The following CSMD1 variants were observed in gnomAD, a reference collection of about 807,000 sequenced individuals.
The protein encoded by CSMD1 is CUB and sushi domain-containing protein 1.
Under a neutral mutation model 417.5 loss-of-function variants are expected in CSMD1, and 213 were observed. That is an observed-to-expected ratio of 0.51 (90% CI 0.46 to 0.57). The LOEUF is 0.57. CSMD1 is among the 20% of genes least tolerant of loss of function. CSMD1 has a pLI of 0.00. For missense variants in CSMD1, 6,923 were observed against 4,529.7 expected, an observed-to-expected ratio of 1.53 and a Z score of -15.17; for synonymous variants, 2,862 against 1,736.8, an observed-to-expected ratio of 1.65 and a Z score of -16.11.
intron 7 of CSMD1, among the ~76,000 whole-genome samples, chr8:3,642,458 G>C (rs1797354614): frequency 1.3e-5 from 2 of 152,104 alleles, no homozygotes; most frequent in African/African-American, 2.4e-5. Context: ...AAATTCAAGA[G>C]ATATTCCCAA....
At chr8:4,433,395 T>G (rs1297661799) in intron 2 of CSMD1, among the ~76,000 whole-genome samples, 1 of 152,074 alleles carries the variant, frequency 6.6e-6, no homozygotes, top group Non-Finnish European at 1.5e-5. Flanking sequence ...TTACATAAAT[T>G]TCTACTAAAA....
intron 3 of CSMD1, among the ~76,000 whole-genome samples, chr8:4,312,630 A>G (rs1338438266): frequency 6.9e-6 from 1 of 144,754 alleles, no homozygotes; most frequent in Non-Finnish European, 1.5e-5. Flanking sequence ...TAATCCCAAC[A>G]CTTTGGGAGG....
At position 3,025,132 on chromosome 8, in the gene CSMD1, A is replaced by G. The variant is rs911835027; in HGVS notation, c.7855+4187T>C. Among the ~76,000 whole-genome samples, 3 of 150,580 alleles carry G rather than the reference A, an allele frequency of 2.0e-5. 1 individual carries two copies. Among genetic ancestry groups the G allele is most frequent in the African/African-American group, 7.5e-5 (3 of 40,080 alleles). On this transcript the variant is annotated intron_variant, in intron 51 of 69. Transcript: ENST00000635120. ...GTGTGGTGTTATTCTGAAACTGTGT[A>G]TTGTGTGGTGTTATTCTGAAACTGT... is the stretch of plus-strand genomic sequence containing the variant.
rs1012747022 is a variant in CSMD1, at chr8:4,312,581, G to A, written c.415+107372C>T. Among the ~76,000 whole-genome samples the A allele has an allele frequency of 1.5e-4, 22 of 151,520 alleles. No homozygotes were observed. In the East Asian group the frequency reaches 2.7e-3, roughly 19 times the overall value. ...GTCGTTCTATTTATGAGCAACAGAT[G>A]TATTAAAGTTGTTGGCCAGGCACAG... is the stretch of plus-strand genomic sequence containing the variant. On this transcript the variant is annotated intron_variant, in intron 3 of 69. Transcript: ENST00000635120.
chr8:3,090,249 G>A (rs892266184), intron 48 of CSMD1, among the ~76,000 whole-genome samples: 4 of 146,556 alleles, frequency 2.7e-5, no homozygotes, highest in Non-Finnish European at 4.5e-5. Context: ...CCCGGGAGGC[G>A]GAGCTTGCAG....
chr8:3,683,102 C>T (rs1028137265), intron 7 of CSMD1, among the ~76,000 whole-genome samples: 1 of 151,932 alleles, frequency 6.6e-6, no homozygotes, highest in Non-Finnish European at 1.5e-5. Flanking sequence ...TGCTAAATGA[C>T]AAGCTAATGG....
intron 25 of CSMD1, among the ~76,000 whole-genome samples, chr8:3,299,173 C>T (rs1804191641): frequency 6.6e-6 from 1 of 152,042 alleles, no homozygotes; most frequent in Non-Finnish European, 1.5e-5. Context: ...GGAGTGAAGC[C>T]AGGTATGGTG....
intron 3 of CSMD1, among the ~76,000 whole-genome samples, chr8:4,178,021 T>A (rs1350070241): frequency 6.6e-6 from 1 of 152,170 alleles, no homozygotes; most frequent in East Asian, 1.9e-4. Flanking sequence ...ACTAGTACCA[T>A]TCCTTCTGAA....
At chr8:4,259,854 C>A (rs1016096992) in intron 3 of CSMD1, among the ~76,000 whole-genome samples, 3 of 152,140 alleles carry the variant, frequency 2.0e-5, no homozygotes, top group Admixed American at 2.0e-4. Flanking sequence ...ATTCATCCAC[C>A]TTAAAATATT....
intron 1 of CSMD1, among the ~76,000 whole-genome samples, chr8:4,726,214 C>T (rs1430275785): frequency 6.6e-6 from 1 of 152,062 alleles, no homozygotes; most frequent in Non-Finnish European, 1.5e-5. Context: ...GTGGCTTCAT[C>T]ACCCATATTA....
intron 3 of CSMD1, among the ~76,000 whole-genome samples, chr8:4,377,174 A>C (rs1434778391): frequency 1.3e-5 from 2 of 152,156 alleles, no homozygotes; most frequent in African/African-American, 2.4e-5. Flanking sequence ...ATTATAGTGC[A>C]TGGAATTGAT....
intron 3 of CSMD1, among the ~76,000 whole-genome samples, chr8:4,333,784 T>G (rs1316800606): frequency 1.3e-5 from 2 of 152,178 alleles, no homozygotes; most frequent in Non-Finnish European, 2.9e-5. Context: ...GACCTGGGTC[T>G]GCCCCTGGAA....
intron 26 of CSMD1, among the ~76,000 whole-genome samples, chr8:3,254,230 C>T (rs906947479): frequency 6.6e-6 from 1 of 152,194 alleles, no homozygotes; most frequent in African/African-American, 2.4e-5. Context: ...TGTAGAGTTT[C>T]TGTCGAGAGA....
At position 4,344,258 on chromosome 8, in the gene CSMD1, C is replaced by T. The variant is rs187051073; in HGVS notation, c.415+75695G>A. ...TGCCTCTGACACAATCATCTTTACACGTGTTCATTCAATTGTTCATTCTGT... is the reference window on the plus strand; with the variant it reads ...TGCCTCTGACACAATCATCTTTACATGTGTTCATTCAATTGTTCATTCTGT... On this transcript the variant is annotated intron_variant, in intron 3 of 69. Coordinates refer to ENST00000635120, the MANE Select transcript of CSMD1 (RefSeq NM_033225.6). Among the ~76,000 whole-genome samples, 497 of 152,206 alleles carry T rather than the reference C, an allele frequency of 3.3e-3. 4 individuals are homozygous for T. The highest frequency in any genetic ancestry group is 0.01 in the African/African-American group (432 of 41,548).
chr8:3,937,098 C>A (rs1810550099), intron 5 of CSMD1, among the ~76,000 whole-genome samples: 6 of 152,138 alleles, frequency 3.9e-5, no homozygotes. Context: ...GCTGCACTGT[C>A]ATAAGATCTT....
At chr8:3,189,138 G>A (rs1428077268) in intron 34 of CSMD1, 127 bp from the exon 35 acceptor site, 38 of 801,772 alleles carry the variant, frequency 4.7e-5, no homozygotes, top group East Asian at 4.1e-4. Flanking sequence ...TACGTTAAAC[G>A]GCACTTTTAG....
chr8:3,032,982 C>A (rs1056752295), intron 50 of CSMD1, among the ~76,000 whole-genome samples: 1 of 152,006 alleles, frequency 6.6e-6, no homozygotes, highest in Middle Eastern at 3.4e-3. Flanking sequence ...CACTTTTACT[C>A]AAGTCCAAGA....
chr8:3,299,703 G>A (rs1022903741), intron 25 of CSMD1, among the ~76,000 whole-genome samples: 10 of 152,174 alleles, frequency 6.6e-5, no homozygotes, highest in Non-Finnish European at 1.3e-4. Flanking sequence ...GGGAGGTGAA[G>A]TGCACAGAGA....
intron 3 of CSMD1, among the ~76,000 whole-genome samples, chr8:4,158,287 A>C (rs1430682094): frequency 1.3e-5 from 2 of 152,042 alleles, no homozygotes; most frequent in Non-Finnish European, 2.9e-5. Flanking sequence ...TAAACAACAG[A>C]AGTACATGTC....
Sources: allele counts gnomAD v4.1 joint callset (sites outside exome capture counted in the v4.1 genomes callset), GRCh38; gene constraint gnomAD v4.1.1; transcripts MANE v1.5; gene names NCBI Gene and HGNC (gene_info 2026-07-23, HGNC 2026-07-21).